GNAL: variants seen among roughly 807,000 people sequenced by gnomAD.
The protein encoded by GNAL is guanine nucleotide-binding protein G(olf) subunit alpha.
A neutral mutation model predicts 55.1 loss-of-function variants in GNAL; 18 were observed. The observed-to-expected ratio is 0.33, with a 90% CI of 0.23 to 0.48. GNAL has a LOEUF of 0.48. Ranked by LOEUF, GNAL falls within the 20% of genes least tolerant of loss-of-function variation. The pLI, the probability that GNAL is intolerant of heterozygous loss-of-function variation, is 0.99. For synonymous variants in GNAL, 253 were observed against 237.0 expected, an observed-to-expected ratio of 1.07 and a Z score of -0.62; for missense variants, 412 against 614.1, an observed-to-expected ratio of 0.67 and a Z score of 3.48.
chr18:11,780,715 T>A (rs1330266884), intron 4 of GNAL, among the ~76,000 whole-genome samples: 1 of 152,092 alleles, frequency 6.6e-6, no homozygotes, highest in African/African-American at 2.4e-5. Flanking sequence ...ACTCATGGAG[T>A]TACACTGAGG....
intron 1 of GNAL, among the ~76,000 whole-genome samples, chr18:11,745,466 A>C (rs540161830): frequency 1.3e-5 from 2 of 152,346 alleles, no homozygotes; most frequent in African/African-American, 2.4e-5. Context: ...GTATAAAAGA[A>C]ATTTAAATAA....
chr18:11,726,940 T>C (rs1471725565), intron 1 of GNAL, among the ~76,000 whole-genome samples: 3 of 152,130 alleles, frequency 2.0e-5, no homozygotes, highest in African/African-American at 7.2e-5. Context: ...TAGTCTTTTT[T>C]TTTTTTCTTA....
intron 4 of GNAL, among the ~76,000 whole-genome samples, chr18:11,755,320 T>C (rs947895003): frequency 6.6e-6 from 1 of 152,114 alleles, no homozygotes; most frequent in African/African-American, 2.4e-5. Flanking sequence ...CTCTCTGTCG[T>C]CCAGGCTGGA....
At chr18:11,824,823 G>T (rs1370227294) in intron 4 of GNAL, 95 bp from the exon 5 acceptor site, 11 of 659,526 alleles carry the variant, frequency 1.7e-5, no homozygotes, top group Non-Finnish European at 2.9e-5. Flanking sequence ...AATGCTACTT[G>T]CAAAAAACAG....
At chr18:11,809,220 T>C (rs371744240) in intron 4 of GNAL, among the ~76,000 whole-genome samples, 170 of 151,816 alleles carry the variant, frequency 1.1e-3, no homozygotes, top group African/African-American at 4.0e-3. Context: ...ATCGTGCCAC[T>C]GCCCTCCAGC....
At chr18:11,795,033 G>A (rs1349630215) in intron 4 of GNAL, among the ~76,000 whole-genome samples, 1 of 151,996 alleles carries the variant, frequency 6.6e-6, no homozygotes, top group African/African-American at 2.4e-5. Flanking sequence ...AGTAGAGACA[G>A]CGTTTTTCCA....
At chr18:11,857,351 A>G in intron 5 of GNAL, 1 of 311,120 alleles carries the variant, frequency 3.2e-6, no homozygotes, top group Non-Finnish European at 4.7e-6. Context: ...TCAGGTTTCA[A>G]AGGGGGAAAA....
At chr18:11,760,434 A>G (rs2033203760) in intron 4 of GNAL, among the ~76,000 whole-genome samples, 1 of 152,178 alleles carries the variant, frequency 6.6e-6, no homozygotes, top group African/African-American at 2.4e-5. Flanking sequence ...TGGTGTAAAA[A>G]GGGCACAGTA....
intron 4 of GNAL, among the ~76,000 whole-genome samples, chr18:11,787,886 A>AT (rs2034106208): frequency 6.6e-6 from 1 of 152,002 alleles, no homozygotes; most frequent in East Asian, 1.9e-4. Flanking sequence ...AAAAAAAAAA[A>AT]AGGAAATATC....
chr18:11,794,785 G>C (rs995249867), intron 4 of GNAL, among the ~76,000 whole-genome samples: 2 of 131,444 alleles, frequency 1.5e-5, no homozygotes, highest in South Asian at 4.7e-4. Flanking sequence ...AAAAAAAAAA[G>C]GACAGGCCAG....
In GNAL at chr18:11,868,553, T is replaced by G; in HGVS notation, c.921T>G (p.Ala307=). 1 of 1,611,634 alleles carries G rather than the reference T, an allele frequency of 6.2e-7. No individual in the cohort carries two copies. The highest frequency in any genetic ancestry group is 8.5e-7 in the Non-Finnish European group (1 of 1,178,816). Residue 307 remains alanine (A), a synonymous_variant, in exon 9 of 12, where the codon GCT becomes GCG. Coordinates refer to ENST00000334049, the MANE Select transcript of GNAL (RefSeq NM_182978.4). This position sits in a 1 kb window ranked among gnomAD's most constrained non-coding sequence, Gnocchi z 4.0. ...KWIQCFNDVT[A]IIYVAACSSY... ...TTTCTCCCCACCAAGATGTCACAGC[T>G]ATCATTTACGTCGCAGCCTGCAGTA... is the stretch of plus-strand genomic sequence containing the variant.
At chr18:11,811,153 G>A (rs1244893228) in intron 4 of GNAL, among the ~76,000 whole-genome samples, 2 of 152,074 alleles carry the variant, frequency 1.3e-5, no homozygotes, top group Non-Finnish European at 2.9e-5. Flanking sequence ...ACATTCCTGG[G>A]TGCCTTCCTT....
At chr18:11,703,622 G>C (rs1224203042) in intron 1 of GNAL, among the ~76,000 whole-genome samples, 2 of 152,196 alleles carry the variant, frequency 1.3e-5, no homozygotes, top group African/African-American at 4.8e-5. Flanking sequence ...AGCATGCCGA[G>C]CTGTGGTTGA....
intron 1 of GNAL, among the ~76,000 whole-genome samples, chr18:11,692,632 A>T (rs940086058): frequency 6.6e-6 from 1 of 152,070 alleles, no homozygotes. Flanking sequence ...TAAAAAAAAA[A>T]TAGAGACACA....
chr18:11,731,217 A>AG (rs1476551154), intron 1 of GNAL, among the ~76,000 whole-genome samples: 1 of 152,208 alleles, frequency 6.6e-6, no homozygotes, highest in Non-Finnish European at 1.5e-5. Context: ...CTGTGATCTC[A>AG]GCTCACTGAA....
At chr18:11,856,881 A>G (rs2036020375) in intron 5 of GNAL, among the ~76,000 whole-genome samples, 1 of 152,226 alleles carries the variant, frequency 6.6e-6, no homozygotes. Context: ...GCTGTGAGCC[A>G]TGATTGTGCC....
intron 5 of GNAL, among the ~76,000 whole-genome samples, chr18:11,857,002 A>G (rs2143813055): frequency 6.6e-6 from 1 of 152,356 alleles, no homozygotes; most frequent in East Asian, 1.9e-4. Context: ...GATTTAGTCC[A>G]AAACATGCAT....
chr18:11,738,485 C>T (rs758579313), intron 1 of GNAL, among the ~76,000 whole-genome samples: 3 of 151,992 alleles, frequency 2.0e-5, no homozygotes, highest in Non-Finnish European at 4.4e-5. Flanking sequence ...AGCTCACTGC[C>T]GAGGCAGACA....
chr18:11,851,476 T>G (rs1198095000), intron 5 of GNAL: 4 of 1,499,984 alleles, frequency 2.7e-6, no homozygotes, highest in Non-Finnish European at 2.7e-6. Flanking sequence ...GGCGCGCTTC[T>G]CAGCCGGGCC....
Sources: allele counts gnomAD v4.1 joint callset (sites outside exome capture counted in the v4.1 genomes callset), GRCh38; gene constraint gnomAD v4.1.1; non-coding constraint Gnocchi (gnomAD v3.1); transcripts MANE v1.5; gene names NCBI Gene and HGNC (gene_info 2026-07-23, HGNC 2026-07-21).